Variants in BPNT2 observed in about 807,000 individuals in gnomAD.
The protein encoded by BPNT2 is Golgi-resident adenosine 3',5'-bisphosphate 3'-phosphatase.
BPNT2 carries 11 observed loss-of-function variants against 29.3 expected under a neutral mutation model. The observed-to-expected ratio is 0.38, with a 90% CI of 0.24 to 0.62. The LOEUF (loss-of-function observed/expected upper bound fraction) is 0.62. Ranked by LOEUF, BPNT2 falls within the 20% of genes least tolerant of loss-of-function variation. BPNT2 has a pLI of 0.62. For synonymous variants in BPNT2, 195 were observed against 187.7 expected (o/e 1.04, Z -0.32); for missense variants, 459 against 473.4 (o/e 0.97, Z 0.28).
chr8:56,981,599 T>C (rs1262872642), intron 1 of BPNT2, among the ~76,000 whole-genome samples: 2 of 152,080 alleles, frequency 1.3e-5, no homozygotes, highest in East Asian at 1.9e-4. Flanking sequence ...TAAAAAAATG[T>C]TTTAGAACTG....
At chr8:56,965,634 AT>A (rs1297930476) in intron 4 of BPNT2, among the ~76,000 whole-genome samples, 1 of 152,210 alleles carries the variant, frequency 6.6e-6, no homozygotes, top group African/African-American at 2.4e-5. Flanking sequence ...GAGGCTTCAA[AT>A]TTTATTATCG....
At chr8:56,992,391 T>C (rs374305941) in intron 1 of BPNT2, among the ~76,000 whole-genome samples, 58 of 152,298 alleles carry the variant, frequency 3.8e-4, no homozygotes, top group African/African-American at 1.3e-3. Flanking sequence ...ATTTTAAATA[T>C]GCTTTATTCA....
rs1225887098 is a variant in BPNT2, at chr8:56,993,556, T to G, written c.30A>C (p.Pro10=). The G allele has an allele frequency of 1.4e-6, 2 of 1,479,562 alleles. No homozygotes were observed. Among genetic ancestry groups the G allele is most frequent in the East Asian group, 5.9e-5 (2 of 34,164 alleles). 91.7% of individuals were successfully genotyped at this position (1,479,562 alleles called of 1,614,324 possible). Residue 10 remains proline, a synonymous_variant, in exon 1 of 5, where the codon CCA becomes CCC. Coordinates refer to ENST00000262644, the MANE Select transcript of BPNT2 (RefSeq NM_017813.5). MAPMGIRLS[P]LGVAVFCLLG... ...GCAGGCAAAACACTGCCACCCCCAGTGGGGAAAGGCGGATGCCCATGGGGG... is the reference window on the plus strand; with the variant it reads ...GCAGGCAAAACACTGCCACCCCCAGGGGGGAAAGGCGGATGCCCATGGGGG...
rs1198982900 is a variant in BPNT2, at chr8:56,993,838, G to A, written c.-253C>T. The A allele has an allele frequency of 1.1e-5, 3 of 264,346 alleles. No individual in the cohort carries two copies. The highest frequency in any genetic ancestry group is 4.6e-5 in the African/African-American group (2 of 43,612). The allele number at this position is 264,346 out of a possible 1,614,324, so 16.4% of individuals were successfully genotyped here. A position where few individuals can be genotyped will look rare whatever the true frequency, so the allele number is the denominator to read the frequency against. On this transcript the variant is annotated 5_prime_UTR_variant, in exon 1 of 5. Coordinates refer to ENST00000262644, the MANE Select transcript of BPNT2 (RefSeq NM_017813.5). ...GGTTCTTCCGCCGGCCGGCTGGTCC[G>A]ACTTCCACGTTAGCCTACGGCCGCG...
intron 3 of BPNT2, among the ~76,000 whole-genome samples, chr8:56,973,731 A>AAATC (rs1806076003): frequency 6.6e-6 from 1 of 152,180 alleles, no homozygotes; most frequent in Non-Finnish European, 1.5e-5. Flanking sequence ...GCCAGAAAAT[A>AAATC]AATTGATTTT....
intron 3 of BPNT2, among the ~76,000 whole-genome samples, chr8:56,967,572 G>C (rs1805972279): frequency 6.6e-6 from 1 of 152,112 alleles, no homozygotes; most frequent in Non-Finnish European, 1.5e-5. Context: ...TTTCTCCCCA[G>C]AAGGAAGAGG....
chr8:56,973,038 A>G (rs1806064326), intron 3 of BPNT2, among the ~76,000 whole-genome samples: 1 of 152,146 alleles, frequency 6.6e-6, no homozygotes, highest in Non-Finnish European at 1.5e-5. Context: ...AGGAAAAGAT[A>G]AAACACCAGC....
chr8:56,983,117 T>C (rs991412022), intron 1 of BPNT2, among the ~76,000 whole-genome samples: 1 of 152,108 alleles, frequency 6.6e-6, no homozygotes, highest in Non-Finnish European at 1.5e-5. Context: ...AGGGGTATTA[T>C]TAGGGTGGTG....
At chr8:56,986,620 A>T (rs1409593048) in intron 1 of BPNT2, among the ~76,000 whole-genome samples, 4 of 152,220 alleles carry the variant, frequency 2.6e-5, no homozygotes, top group African/African-American at 9.6e-5. Flanking sequence ...AGTCAAAAAT[A>T]CATTTAACAC....
At position 56,963,897 on chromosome 8, in the gene BPNT2, T is replaced by A; in HGVS notation, c.976A>T (p.Thr326Ser). ...CCCCCTTCAATGCCGTCTGAACCAG[T>A]GTAACTGATTTCTTCACCACTCAGG... Reference protein sequence around the residue: ...TTLSGEEISYTGSDGIEGGLL... With the variant: ...TTLSGEEISYSGSDGIEGGLL... The change falls in exon 5 of 5, where the codon ACT (threonine) becomes TCT (serine). Residue 326 changes from threonine (T) to serine (S), a missense_variant. Coordinates refer to ENST00000262644, the MANE Select transcript of BPNT2 (RefSeq NM_017813.5). The A allele has an allele frequency of 6.2e-7, 1 of 1,614,194 alleles. No individual in the cohort carries two copies.
At chr8:56,980,853 A>ACACACAC (rs1806229401) in intron 1 of BPNT2, among the ~76,000 whole-genome samples, 1 of 111,046 alleles carries the variant, frequency 9.0e-6, no homozygotes, top group Non-Finnish European at 1.9e-5. Context: ...CACACACACA[A>ACACACAC]ACCCCCCTTA....
chr8:56,983,526 AAC>A (rs1428857083), intron 1 of BPNT2, among the ~76,000 whole-genome samples: 1 of 152,176 alleles, frequency 6.6e-6, no homozygotes, highest in African/African-American at 2.4e-5. Context: ...CGCAGGCTGC[AAC>A]ACAGAGCCAG....
chr8:56,982,064 C>G (rs539533801), intron 1 of BPNT2, among the ~76,000 whole-genome samples: 1 of 152,074 alleles, frequency 6.6e-6, no homozygotes, highest in African/African-American at 2.4e-5. Flanking sequence ...CAAATTATCA[C>G]AGGAGAGGTT....
In BPNT2 at chr8:56,963,249, T is replaced by A. The variant is rs911512711; in HGVS notation, c.*544A>T. 6.5e-6 allele frequency: 1 copy of A among 152,818 alleles called. No individual in the cohort carries two copies. The highest frequency in any genetic ancestry group is 6.5e-5 in the Admixed American group (1 of 15,304). The allele number at this position is 152,818 out of a possible 1,614,324, so 9.5% of individuals were successfully genotyped here. A position where few individuals can be genotyped will look rare whatever the true frequency, so the allele number is the denominator to read the frequency against. ...TAAAAGAAAAAATCAATTAAACTTT[T>A]TCTATTTTAATCCATAGAAATATTC... is the stretch of plus-strand genomic sequence containing the variant. On this transcript the variant is annotated 3_prime_UTR_variant, in exon 5 of 5. Coordinates refer to ENST00000262644, the MANE Select transcript of BPNT2 (RefSeq NM_017813.5).
intron 1 of BPNT2, 117 bp downstream of exon 1, chr8:56,993,082 T>C: frequency 6.6e-7 from 1 of 1,523,136 alleles, no homozygotes; most frequent in Non-Finnish European, 8.8e-7. Context: ...AACTTCTGCG[T>C]CTCAATTTCC....
intron 3 of BPNT2, among the ~76,000 whole-genome samples, chr8:56,976,098 T>G (rs909077643): frequency 6.6e-6 from 1 of 152,134 alleles, no homozygotes; most frequent in Non-Finnish European, 1.5e-5. Context: ...GGATGTGAGG[T>G]GAAGAGATGC....
At chr8:56,969,160 C>T (rs139044836) in intron 3 of BPNT2, among the ~76,000 whole-genome samples, 27 of 152,326 alleles carry the variant, frequency 1.8e-4, no homozygotes, top group South Asian at 4.1e-4. Context: ...TTCTGGCCTC[C>T]AAAACTTTGA....
intron 2 of BPNT2, among the ~76,000 whole-genome samples, chr8:56,979,746 G>A (rs1806209081): frequency 6.6e-6 from 1 of 152,162 alleles, no homozygotes; most frequent in Non-Finnish European, 1.5e-5. Flanking sequence ...GTTCTGTTTT[G>A]TTACTTACTT....
At chr8:56,987,307 T>C (rs187773621) in intron 1 of BPNT2, among the ~76,000 whole-genome samples, 120 of 152,252 alleles carry the variant, frequency 7.9e-4, no homozygotes, top group Admixed American at 7.5e-3. Context: ...ACATTATTTC[T>C]GGTTGTATTT....
Sources: gnomAD v4.1 joint callset for allele counts (sites outside exome capture counted in the v4.1 genomes callset) on GRCh38, gnomAD v4.1.1 for gene constraint, MANE v1.5 for transcripts, NCBI Gene and HGNC (gene_info 2026-07-23, HGNC 2026-07-21) for gene names.